The following SV2B variants were observed in gnomAD, a reference collection of about 807,000 sequenced individuals.
The protein encoded by SV2B is synaptic vesicle glycoprotein 2B, also known as solute carrier family 22 member B2.
Under a neutral mutation model 73.9 loss-of-function variants are expected in SV2B, and 41 were observed. The observed-to-expected ratio is 0.56, with a 90% CI of 0.43 to 0.72. The LOEUF is 0.72. Ranked by LOEUF, SV2B falls within the 30% of genes least tolerant of loss-of-function variation. SV2B has a pLI of 0.00. For synonymous variants in SV2B, 314 were observed against 314.2 expected, an observed-to-expected ratio of 1.00 and a Z score of 0.01; for missense variants, 764 against 857.8, an observed-to-expected ratio of 0.89 and a Z score of 1.37.
chr15:91,268,406 G>T lies in SV2B; in HGVS notation c.1209-35G>T. On this transcript the variant is annotated intron_variant, in intron 8 of 12. Transcript: ENST00000394232. This position sits in a 1 kb window ranked among gnomAD's most constrained non-coding sequence, Gnocchi z 4.4. The stretch of plus-strand genomic sequence containing the variant: ...CCCTGATCATGAAAGAATGAATCCT[G>T]TTGTTGTTGCAACCTTCTGCCTTCT... 1 of 1,592,020 alleles carries T rather than the reference G, an allele frequency of 6.3e-7. No homozygotes were observed. Among genetic ancestry groups the T allele is most frequent in the Non-Finnish European group, 8.6e-7 (1 of 1,164,838 alleles).
intron 1 of SV2B, among the ~76,000 whole-genome samples, chr15:91,165,525 A>T (rs772289696): frequency 1.3e-5 from 2 of 152,180 alleles, no homozygotes; most frequent in Non-Finnish European, 1.5e-5. Flanking sequence ...CAAATATCAC[A>T]CCATTTAATA....
Position 91,258,480 on chromosome 15 carries a change from G to C in SV2B, c.844G>C (p.Val282Leu), listed in dbSNP as rs753139153. ...HFHSWRVFVI[V>L]CALPCTVSMV... ...CCATAGCTGGAGAGTGTTTGTCATCGTCTGTGCTCTGCCCTGCACCGTGTC... is the reference window on the plus strand; with the variant it reads ...CCATAGCTGGAGAGTGTTTGTCATCCTCTGTGCTCTGCCCTGCACCGTGTC... Residue 282 changes from valine (V) to leucine (L), a missense_variant, in exon 5 of 13, where the codon GTC becomes CTC. Coordinates refer to ENST00000394232, the MANE Select transcript of SV2B (RefSeq NM_001323032.3). The surrounding 1 kb of genome is among the most constrained non-coding windows in gnomAD (Gnocchi z 4.7). 1 of 1,614,092 alleles carries C rather than the reference G, an allele frequency of 6.2e-7. No individual in the cohort carries two copies. Among genetic ancestry groups the C allele is most frequent in the East Asian group, 2.2e-5 (1 of 44,878 alleles).
intron 1 of SV2B, among the ~76,000 whole-genome samples, chr15:91,120,747 G>T (rs1259899880): frequency 6.7e-6 from 1 of 150,170 alleles, no homozygotes; most frequent in Non-Finnish European, 1.5e-5. Context: ...CTGGGAGACT[G>T]AGGTTGCAGT....
intron 1 of SV2B, among the ~76,000 whole-genome samples, chr15:91,176,395 G>T (rs1473225856): frequency 6.6e-6 from 1 of 151,314 alleles, no homozygotes; most frequent in South Asian, 2.1e-4. Context: ...TAGTCCTTTG[G>T]GTATATACCC....
In SV2B at chr15:91,234,229, C is replaced by T. The variant is rs1323362167; in HGVS notation, c.451+7515C>T. 1.3e-5 allele frequency among the ~76,000 whole-genome samples: 2 copies of T among 152,186 alleles called. No homozygotes were observed. Among genetic ancestry groups the T allele is most frequent in the Non-Finnish European group, 2.9e-5 (2 of 68,026 alleles). Reference sequence around the variant, plus strand: ...GGATTTTTCATTTCAGACTTACTCACCCTCACTTGGAGGGTTCAGAGGACA... The same window carrying T: ...GGATTTTTCATTTCAGACTTACTCATCCTCACTTGGAGGGTTCAGAGGACA... On this transcript the variant is annotated intron_variant, in intron 2 of 12. Coordinates refer to ENST00000394232, the MANE Select transcript of SV2B (RefSeq NM_001323032.3). This position sits in a 1 kb window ranked among gnomAD's most constrained non-coding sequence, Gnocchi z 5.6.
At position 91,260,804 on chromosome 15, in the gene SV2B, G is replaced by C. The variant is rs149131434; in HGVS notation, c.1008+395G>C. On this transcript the variant is annotated intron_variant, in intron 6 of 12. Coordinates refer to ENST00000394232, the MANE Select transcript of SV2B (RefSeq NM_001323032.3). ...GGAGGCGAAAGGCACTTCTTACATG[G>C]TGGTGGCAAGAGAAAATGAGGAATT... Among the ~76,000 whole-genome samples, 573 of 152,296 alleles carry C rather than the reference G, an allele frequency of 3.8e-3. 6 individuals are homozygous for C. Among genetic ancestry groups the C allele is most frequent in the African/African-American group, 0.013 (550 of 41,544 alleles).
intron 1 of SV2B, among the ~76,000 whole-genome samples, chr15:91,114,652 A>G (rs2042128682): frequency 6.6e-6 from 1 of 152,144 alleles, no homozygotes; most frequent in Non-Finnish European, 1.5e-5. Flanking sequence ...GAGGGGAGGT[A>G]ACTGTTTTCT....
At chr15:91,222,985 T>C (rs1379896847) in intron 1 of SV2B, among the ~76,000 whole-genome samples, 1 of 152,240 alleles carries the variant, frequency 6.6e-6, no homozygotes, top group Non-Finnish European at 1.5e-5. Context: ...TTCATACCTC[T>C]GGAGCTTAGA....
Position 91,298,441 on chromosome 15 carries a change from A to G in SV2B, c.*5889A>G, listed in dbSNP as rs955007699. The G allele has an allele frequency of 3.3e-5, 5 of 152,372 alleles. No homozygotes were observed. In the East Asian group the frequency reaches 9.6e-4, roughly 29 times the overall value. The allele number at this position is 152,372 out of a possible 1,614,324, so 9.4% of individuals were successfully genotyped here. ...GAGGCATGGTGAGGAATTTATATGC[A>G]TGGCTGTTGTGGCAGCAGCGAGATT... On this transcript the variant is annotated 3_prime_UTR_variant, in exon 13 of 13. Transcript: ENST00000394232. The surrounding 1 kb of genome is among the most constrained non-coding windows in gnomAD (Gnocchi z 5.4).
intron 1 of SV2B, among the ~76,000 whole-genome samples, chr15:91,196,751 A>G (rs1357597765): frequency 6.6e-6 from 1 of 152,260 alleles, no homozygotes; most frequent in African/African-American, 2.4e-5. Flanking sequence ...CTTGCTGAAC[A>G]GGATGTGCCT....
intron 1 of SV2B, among the ~76,000 whole-genome samples, chr15:91,203,557 A>T (rs1220486469): frequency 2.0e-5 from 3 of 152,210 alleles, no homozygotes; most frequent in African/African-American, 7.2e-5. Context: ...TTAAGTTTCT[A>T]TTTTAAAGTT....
Position 91,130,592 on chromosome 15 carries a change from G to T in SV2B, c.-392+30229G>T, listed in dbSNP as rs1332979518. Among the ~76,000 whole-genome samples, 2 of 152,160 alleles carry T rather than the reference G, an allele frequency of 1.3e-5. No homozygotes were observed. Among genetic ancestry groups the T allele is most frequent in the East Asian group, 3.9e-4 (2 of 5,178 alleles). ...TGTCAGAGATTCCAAAGCAGGAGGG[G>T]TCTGACCAAGTAGGTGTTCACGGAG... On this transcript the variant is annotated intron_variant, in intron 1 of 12. Transcript: ENST00000394232. This position sits in a 1 kb window ranked among gnomAD's most constrained non-coding sequence, Gnocchi z 5.6.
At chr15:91,211,921 G>A (rs2045883340) in intron 1 of SV2B, among the ~76,000 whole-genome samples, 2 of 151,368 alleles carry the variant, frequency 1.3e-5, no homozygotes, top group South Asian at 2.1e-4. Context: ...GATTATAGGC[G>A]TGTGCCACTG....
At chr15:91,211,634 G>C (rs1409213251) in intron 1 of SV2B, among the ~76,000 whole-genome samples, 2 of 151,442 alleles carry the variant, frequency 1.3e-5, no homozygotes, top group Non-Finnish European at 2.9e-5. Context: ...CTCCTGAGTA[G>C]CTGGAATTAC....
chr15:91,227,128 G>A lies in SV2B; in HGVS notation c.451+414G>A, dbSNP rs1231453740. 6.6e-6 allele frequency among the ~76,000 whole-genome samples: 1 copy of A among 152,114 alleles called. No homozygotes were observed. The highest frequency in any genetic ancestry group is 2.4e-5 in the African/African-American group (1 of 41,404). On this transcript the variant is annotated intron_variant, in intron 2 of 12. Coordinates refer to ENST00000394232, the MANE Select transcript of SV2B (RefSeq NM_001323032.3). The surrounding 1 kb of genome is among the most constrained non-coding windows in gnomAD (Gnocchi z 4.5). ...ATCTCTGGCTGGTCTCTTCCACTTG[G>A]TCCTTCTCTCTGTGTCTTTCCAGAG...
chr15:91,138,178 A>T (rs75484585), intron 1 of SV2B, among the ~76,000 whole-genome samples: 3,187 of 152,184 alleles, frequency 0.021, 231 homozygotes, highest in East Asian at 0.19. Context: ...AACCAAAAAA[A>T]CCCTAACCTG....
chr15:91,185,057 A>G (rs1177767605), intron 1 of SV2B, among the ~76,000 whole-genome samples: 1 of 152,184 alleles, frequency 6.6e-6, no homozygotes, highest in African/African-American at 2.4e-5. Context: ...TGTCCATCCA[A>G]TTGAATATCA....
In SV2B at chr15:91,295,227, T is replaced by A. The variant is rs978555528; in HGVS notation, c.*2675T>A. ...GCTTTCCATAGTCTCAACTGTATTG[T>A]GTCATCTCCTGATGCTGATTTTTGA... On this transcript the variant is annotated 3_prime_UTR_variant, in exon 13 of 13. Coordinates refer to ENST00000394232, the MANE Select transcript of SV2B (RefSeq NM_001323032.3). The A allele has an allele frequency of 2.0e-5, 3 of 152,432 alleles. No homozygotes were observed. Among genetic ancestry groups the A allele is most frequent in the Middle Eastern group, 3.4e-3 (1 of 294 alleles). 9.4% of individuals were successfully genotyped at this position (152,432 alleles called of 1,614,324 possible).
chr15:91,161,819 C>G (rs576016500), intron 1 of SV2B, among the ~76,000 whole-genome samples: 3 of 152,260 alleles, frequency 2.0e-5, no homozygotes, highest in Admixed American at 2.0e-4. Flanking sequence ...CCACCTGAGC[C>G]CTGTCTACTT....
Sources: gnomAD v4.1 joint callset for allele counts (sites outside exome capture counted in the v4.1 genomes callset) on GRCh38, gnomAD v4.1.1 for gene constraint, Gnocchi (gnomAD v3.1) non-coding constraint, MANE v1.5 for transcripts, NCBI Gene and HGNC (gene_info 2026-07-23, HGNC 2026-07-21) for gene names.